The following DAPK1 variants were observed in gnomAD, a reference collection of about 807,000 sequenced individuals.
DAPK1 encodes the protein death associated protein kinase 1, also known as death-associated protein kinase 1.
A neutral mutation model predicts 144.9 loss-of-function variants in DAPK1; 56 were observed. That is an observed-to-expected ratio of 0.39 (90% CI 0.31 to 0.48). The LOEUF is 0.48. Among genes scored for constraint, DAPK1 ranks in the 20% least tolerant of loss-of-function variants. The pLI, the probability that DAPK1 is intolerant of heterozygous loss-of-function variation, is 0.95. For synonymous variants in DAPK1, 690 were observed against 749.0 expected (o/e 0.92, Z 1.29); for missense variants, 1,454 against 1,875.4 (o/e 0.78, Z 4.15).
chr9:87,544,721 G>C (rs150251577), intron 2 of DAPK1, among the ~76,000 whole-genome samples: 6 of 152,232 alleles, frequency 3.9e-5, no homozygotes, highest in African/African-American at 1.4e-4. Context: ...ATGCATGTAA[G>C]ACTTCAAACT....
At chr9:87,679,415 C>A (rs2030881349) in intron 19 of DAPK1, among the ~76,000 whole-genome samples, 1 of 152,004 alleles carries the variant, frequency 6.6e-6, no homozygotes, top group South Asian at 2.1e-4. Context: ...CCAAACAGGT[C>A]CTTGTTAGGG....
intron 3 of DAPK1, among the ~76,000 whole-genome samples, chr9:87,612,070 A>G (rs1327948794): frequency 1.3e-5 from 2 of 152,212 alleles, no homozygotes; most frequent in East Asian, 3.9e-4. Context: ...GTGGCAAGAG[A>G]GGGCAAGAGC....
In DAPK1 at chr9:87,597,273, T is replaced by C. The variant is rs370331334; in HGVS notation, c.63-7681T>C. Among the ~76,000 whole-genome samples the C allele has an allele frequency of 6.6e-5, 10 of 152,314 alleles. No homozygotes were observed. The East Asian group carries it at 1.2e-3, about 18-fold the overall frequency. On this transcript the variant is annotated intron_variant, in intron 2 of 25. Transcript: ENST00000408954. ...AGCTGAATCCATCTTTGGAAGGTGC[T>C]GTCTGCTTCCCATCACCTACTTCCA...
intron 2 of DAPK1, among the ~76,000 whole-genome samples, chr9:87,576,956 A>T (rs1827584846): frequency 6.6e-6 from 1 of 152,348 alleles, no homozygotes; most frequent in Non-Finnish European, 1.5e-5. Flanking sequence ...ATGGAAACAC[A>T]GGATCCAGCC....
chr9:87,578,841 A>G (rs1010259520), intron 2 of DAPK1, among the ~76,000 whole-genome samples: 4 of 152,082 alleles, frequency 2.6e-5, no homozygotes, highest in African/African-American at 9.7e-5. Flanking sequence ...TGACAGCTTT[A>G]GTTTGGGGAT....
chr9:87,587,356 C>T (rs992760721), intron 2 of DAPK1, among the ~76,000 whole-genome samples: 4 of 152,136 alleles, frequency 2.6e-5, no homozygotes, highest in East Asian at 1.9e-4. Flanking sequence ...GCATGCTCAC[C>T]GTGTGTTTCT....
chr9:87,508,781 T>A (rs1824715158), intron 2 of DAPK1, among the ~76,000 whole-genome samples: 1 of 152,182 alleles, frequency 6.6e-6, no homozygotes, highest in Non-Finnish European at 1.5e-5. Context: ...ATGATTAGAT[T>A]TTCCTTTGAG....
At chr9:87,653,950 C>A (rs1927974) in intron 17 of DAPK1, among the ~76,000 whole-genome samples, 1 of 151,890 alleles carries the variant, frequency 6.6e-6, no homozygotes. Context: ...CGCTTCAGCC[C>A]CCCAATGTGC....
chr9:87,559,538 T>C (rs901368016), intron 2 of DAPK1, among the ~76,000 whole-genome samples: 4 of 152,298 alleles, frequency 2.6e-5, no homozygotes, highest in African/African-American at 9.6e-5. Context: ...GACTAGTAGC[T>C]ACTGTGGTGG....
chr9:87,631,542 A>G (rs930546967), intron 3 of DAPK1, among the ~76,000 whole-genome samples: 4 of 152,352 alleles, frequency 2.6e-5, no homozygotes, highest in South Asian at 4.1e-4. Context: ...TGATAAAGCC[A>G]TAATTTAAAA....
At chr9:87,521,645 T>C (rs2118243796) in intron 2 of DAPK1, among the ~76,000 whole-genome samples, 1 of 152,348 alleles carries the variant, frequency 6.6e-6, no homozygotes, top group East Asian at 1.9e-4. Flanking sequence ...TGACATCTCA[T>C]TTAGTGTACT....
At chr9:87,507,598 C>G (rs1342116304) in intron 2 of DAPK1, among the ~76,000 whole-genome samples, 1 of 151,984 alleles carries the variant, frequency 6.6e-6, no homozygotes, top group African/African-American at 2.4e-5. Context: ...ATTAGAGATG[C>G]CAGAGTGGTG....
intron 2 of DAPK1, among the ~76,000 whole-genome samples, chr9:87,555,506 ATTTT>A (rs71371248): frequency 4.1e-5 from 6 of 148,048 alleles, no homozygotes; most frequent in Non-Finnish European, 7.5e-5. Context: ...TTATTTAGTT[ATTTT>A]TTTTTTTTTT....
chr9:87,708,486 T>C lies in DAPK1; in HGVS notation c.*1122T>C, dbSNP rs1464382086. 1 of 152,720 alleles carries C rather than the reference T, an allele frequency of 6.5e-6. No homozygotes were observed. The highest frequency in any genetic ancestry group is 1.5e-5 in the Non-Finnish European group (1 of 68,138). The allele number at this position is 152,720 out of a possible 1,614,324, so 9.5% of individuals were successfully genotyped here. A position where few individuals can be genotyped will look rare whatever the true frequency, so the allele number is the denominator to read the frequency against. ...TTCTTCTGTCCTGAGAAGCATGTAA[T>C]GTTAATGTTATATCATATGTATATA... On this transcript the variant is annotated 3_prime_UTR_variant, in exon 26 of 26. Transcript: ENST00000408954.
At position 87,564,194 on chromosome 9, in the gene DAPK1, A is replaced by G. The variant is rs571483312; in HGVS notation, c.63-40760A>G. Among the ~76,000 whole-genome samples, 8 of 152,124 alleles carry G rather than the reference A, an allele frequency of 5.3e-5. No individual in the cohort carries two copies. In the South Asian group the frequency reaches 1.2e-3, roughly 24 times the overall value. On this transcript the variant is annotated intron_variant, in intron 2 of 25. Coordinates refer to ENST00000408954, the MANE Select transcript of DAPK1 (RefSeq NM_004938.4). ...GCTGACCTCTGTAGGAAAAGAGTCT[A>G]TTTTCTCTCTACTGGCTCTTGGGCC...
chr9:87,672,483 T>A (rs1824208545), intron 19 of DAPK1, among the ~76,000 whole-genome samples: 1 of 152,176 alleles, frequency 6.6e-6, no homozygotes, highest in Non-Finnish European at 1.5e-5. Context: ...ATATGTCCTT[T>A]CCACACTGGC....
intron 2 of DAPK1, among the ~76,000 whole-genome samples, chr9:87,528,938 C>T (rs1454439078): frequency 6.6e-6 from 1 of 151,756 alleles, no homozygotes; most frequent in Admixed American, 6.6e-5. Flanking sequence ...GCACTATATA[C>T]CCTGGTATAT....
intron 2 of DAPK1, among the ~76,000 whole-genome samples, chr9:87,571,464 C>CCA (rs1827334655): frequency 6.4e-5 from 4 of 62,790 alleles, no homozygotes; most frequent in Admixed American, 3.0e-4. Context: ...CACACACACA[C>CCA]ACACACACAC....
intron 7 of DAPK1, 107 bp from the exon 8 acceptor site, chr9:87,640,191 C>A: frequency 8.9e-7 from 1 of 1,125,422 alleles, no homozygotes; most frequent in Non-Finnish European, 1.3e-6. Context: ...TGTGACTATT[C>A]GAGCACCAGA....
Sources: allele counts gnomAD v4.1 joint callset (sites outside exome capture counted in the v4.1 genomes callset), GRCh38; gene constraint gnomAD v4.1.1; transcripts MANE v1.5; gene names NCBI Gene and HGNC (gene_info 2026-07-23, HGNC 2026-07-21).